Variants in MEIG1 observed in about 807,000 individuals in gnomAD.
MEIG1 encodes the protein meiosis/spermiogenesis associated 1.
A neutral mutation model predicts 11.3 loss-of-function variants in MEIG1; 12 were observed. The ratio of observed to expected loss-of-function variants is 1.07; its 90% CI spans 0.68 to 1.73. The LOEUF (loss-of-function observed/expected upper bound fraction) is 1.73, where lower values mean the gene tolerates loss of function less well. Ranked by LOEUF, MEIG1 falls within the 40% of genes most tolerant of loss-of-function variation. The pLI, the probability that MEIG1 is intolerant of heterozygous loss-of-function variation, is 0.00. For synonymous variants in MEIG1, 41 were observed against 33.2 expected (o/e 1.24, Z -0.81); for missense variants, 119 against 104.9 (o/e 1.13, Z -0.59).
chr10:14,985,694 G>A (rs1843311842), intron 1 of MEIG1, among the ~76,000 whole-genome samples: 1 of 151,920 alleles, frequency 6.6e-6, no homozygotes, highest in African/African-American at 2.4e-5. Flanking sequence ...TGTCACAGAA[G>A]GTGTACACCT....
At chr10:14,963,649 AT>A (rs1843041398) in intron 1 of MEIG1, among the ~76,000 whole-genome samples, 1 of 152,054 alleles carries the variant, frequency 6.6e-6, no homozygotes, top group Non-Finnish European at 1.5e-5. Flanking sequence ...GGTGTTCCAA[AT>A]TTTACATAAA....
intron 1 of MEIG1, among the ~76,000 whole-genome samples, chr10:14,986,015 T>C (rs990109628): frequency 2.6e-5 from 4 of 152,104 alleles, no homozygotes; most frequent in Admixed American, 2.0e-4. Context: ...TAGGGAGATA[T>C]TGCTTCTAAT....
chr10:14,960,902 G>A (rs1363093862), intron 1 of MEIG1, among the ~76,000 whole-genome samples: 2 of 152,016 alleles, frequency 1.3e-5, no homozygotes, highest in African/African-American at 2.4e-5. Flanking sequence ...GGTGGCGCAT[G>A]CCTGTAATTC....
chr10:14,985,418 C>G (rs1026453649), intron 1 of MEIG1, among the ~76,000 whole-genome samples: 3 of 151,938 alleles, frequency 2.0e-5, no homozygotes, highest in Non-Finnish European at 2.9e-5. Context: ...CGGTTATATC[C>G]TTGGGGGTGT....
chr10:14,963,057 G>T (rs1229285779), intron 1 of MEIG1, among the ~76,000 whole-genome samples: 1 of 145,312 alleles, frequency 6.9e-6, no homozygotes, highest in Non-Finnish European at 1.5e-5. Context: ...CCACCGTCCT[G>T]TCCTGAAAGT....
At chr10:14,987,359 A>C in intron 2 of MEIG1, 1 of 791,608 alleles carries the variant, frequency 1.3e-6, no homozygotes, top group South Asian at 1.4e-5. Context: ...CAGGGACAGC[A>C]AAGCGAGGAC....
chr10:14,986,186 G>A (rs141127512), intron 1 of MEIG1, among the ~76,000 whole-genome samples: 1,650 of 152,222 alleles, frequency 0.011, 25 homozygotes, highest in African/African-American at 0.036. Context: ...TTAGCTGGGC[G>A]TGCTGGCGCA....
intron 1 of MEIG1, among the ~76,000 whole-genome samples, chr10:14,982,490 G>A (rs1309939592): frequency 6.6e-6 from 1 of 152,168 alleles, no homozygotes; most frequent in African/African-American, 2.4e-5. Context: ...CTGGATAACA[G>A]TTTGGAGCAA....
chr10:14,959,092 A>G (rs551952822), upstream of MEIG1, among the ~76,000 whole-genome samples: 1 of 152,146 alleles, frequency 6.6e-6, no homozygotes, highest in Non-Finnish European at 1.5e-5. Context: ...AAATGAATAG[A>G]TAGGAGATAT....
At chr10:14,986,106 C>T (rs1843315719) in intron 1 of MEIG1, among the ~76,000 whole-genome samples, 1 of 152,188 alleles carries the variant, frequency 6.6e-6, no homozygotes, top group African/African-American at 2.4e-5. Context: ...TCTAATATCA[C>T]AGTGGGTCTT....
downstream of MEIG1, chr10:14,972,897 G>A (rs375906853): frequency 2.3e-4 from 70 of 298,152 alleles, no homozygotes; most frequent in African/African-American, 1.0e-3. Flanking sequence ...ACAGAGTCTC[G>A]CTCTGTCGCC....
At chr10:14,966,146 C>A (rs988021813) in intron 1 of MEIG1, among the ~76,000 whole-genome samples, 1 of 149,272 alleles carries the variant, frequency 6.7e-6, no homozygotes, top group African/African-American at 2.5e-5. Flanking sequence ...TCACTGCAAC[C>A]TCCACCTCCT....
At chr10:14,975,860 C>T (rs550974133), downstream of MEIG1, among the ~76,000 whole-genome samples, 44 of 152,254 alleles carry the variant, frequency 2.9e-4, no homozygotes, top group East Asian at 1.3e-3. Context: ...CACCCAATGC[C>T]GCTGGGGGCA....
intron 1 of MEIG1, among the ~76,000 whole-genome samples, chr10:14,960,635 G>A (rs1273193091): frequency 3.3e-5 from 5 of 151,916 alleles, no homozygotes; most frequent in South Asian, 2.1e-4. Flanking sequence ...GGCCAGGATG[G>A]TCTCGATCTC....
rs1295956508 is a variant in MEIG1 at position 14,964,606 on chromosome 10, T to C, written c.-29-1834T>C. The stretch of plus-strand genomic sequence containing the variant: ...GTGTGTATATATATATATATATATA[T>C]ATACACACACACACACATATATATG... On this transcript the variant is annotated intron_variant, in intron 1 of 2. Transcript: ENST00000407572. Among the ~76,000 whole-genome samples the C allele has an allele frequency of 8.4e-3, 879 of 104,798 alleles. 4 individuals are homozygous for C. The highest frequency in any genetic ancestry group is 0.036 in the Middle Eastern group (6 of 166). The allele number at this position is 104,798 out of a possible 152,430, so 68.8% of individuals were successfully genotyped here.
downstream of MEIG1, among the ~76,000 whole-genome samples, chr10:14,976,891 G>C (rs1000867288): frequency 5.9e-5 from 9 of 151,996 alleles, no homozygotes; most frequent in Non-Finnish European, 2.9e-5. Context: ...ATTTCACAAT[G>C]CGTGTACACA....
intron 1 of MEIG1, among the ~76,000 whole-genome samples, chr10:14,978,293 A>G (rs186495874): frequency 8.4e-4 from 128 of 152,082 alleles, no homozygotes; most frequent in African/African-American, 2.9e-3. Context: ...TGGTGTACAC[A>G]TTATGTATGA....
In MEIG1 at chr10:14,987,654, AC is replaced by A. The variant is rs752801690; in HGVS notation, n.286-133del. ...CTATACGAGGCTTTCTGTACATACT[AC>A]TTTAGAGAAAATCCACTGAAGAATA... On this transcript the variant is annotated intron_variant and non_coding_transcript_variant, in intron 2 of 2. Coordinates refer to the MEIG1 transcript ENST00000467536. 3.8e-4 allele frequency: 149 copies of A among 394,400 alleles called. 2 individuals carry two copies. Among genetic ancestry groups the A allele is most frequent in the Non-Finnish European group, 4.8e-4 (104 of 215,574 alleles). The allele number at this position is 394,400 out of a possible 1,614,324, so 24.4% of individuals were successfully genotyped here. A position where few individuals can be genotyped will look rare whatever the true frequency, so the allele number is the denominator to read the frequency against.
At chr10:14,983,979 A>ATGC (rs1564510448) in intron 1 of MEIG1, among the ~76,000 whole-genome samples, 1 of 152,072 alleles carries the variant, frequency 6.6e-6, no homozygotes, top group Non-Finnish European at 1.5e-5. Flanking sequence ...ACTACACCCA[A>ATGC]TGCTGCTGGG....
Sources: gnomAD v4.1 joint callset for allele counts (sites outside exome capture counted in the v4.1 genomes callset) on GRCh38, gnomAD v4.1.1 for gene constraint, MANE v1.5 for transcripts, NCBI Gene and HGNC (gene_info 2026-07-23, HGNC 2026-07-21) for gene names.